VPS54: variants seen among roughly 807,000 people sequenced by gnomAD.
VPS54 encodes the protein vacuolar protein sorting-associated protein 54.
Under a neutral mutation model 121.5 loss-of-function variants are expected in VPS54, and 45 were observed. The ratio of observed to expected loss-of-function variants is 0.37; its 90% confidence interval spans 0.29 to 0.47. VPS54 has a LOEUF of 0.47. Ranked by LOEUF, VPS54 falls within the 20% of genes least tolerant of loss-of-function variation. VPS54 has a pLI of 0.99. For missense variants in VPS54, 1,090 were observed against 1,131.4 expected, an observed-to-expected ratio of 0.96 and a Z score of 0.52; for synonymous variants, 371 against 385.8, an observed-to-expected ratio of 0.96 and a Z score of 0.45.
chr2:63,922,756 T>C lies in VPS54; in HGVS notation c.1740-1421A>G, dbSNP rs550773026. ...ATTTCAAAACAGGATACCTGCAAAA[T>C]TCTTGCTTAAATTTCAAAGTCAACT... On this transcript the variant is annotated intron_variant, in intron 12 of 22. Coordinates refer to ENST00000272322, the MANE Select transcript of VPS54 (RefSeq NM_016516.3). 4.6e-5 allele frequency among the ~76,000 whole-genome samples: 7 copies of C among 152,340 alleles called. No individual in the cohort carries two copies. In the South Asian group the frequency reaches 1.5e-3, roughly 32 times the overall value.
chr2:63,900,220 CAAAAA>C (rs70965149), intron 20 of VPS54, among the ~76,000 whole-genome samples: 4 of 63,388 alleles, frequency 6.3e-5, no homozygotes, highest in Admixed American at 4.6e-4. Flanking sequence ...AACTCTGTCT[CAAAAA>C]AAAAAAAAAA....
At chr2:63,998,925 TTTTC>T (rs1291511016) in intron 1 of VPS54, among the ~76,000 whole-genome samples, 1 of 152,248 alleles carries the variant, frequency 6.6e-6, no homozygotes, top group East Asian at 1.9e-4. Context: ...TTATTAATCT[TTTTC>T]TTTTTTATTG....
intron 5 of VPS54, 38 bp downstream of exon 5, chr2:63,968,919 T>C (rs1413884858): frequency 6.4e-7 from 1 of 1,553,214 alleles, no homozygotes; most frequent in Non-Finnish European, 8.7e-7. Flanking sequence ...AAAGATCAAA[T>C]ATTATAAGGC....
chr2:63,994,794 T>A (rs1677501269), intron 1 of VPS54, among the ~76,000 whole-genome samples: 1 of 152,186 alleles, frequency 6.6e-6, no homozygotes, highest in African/African-American at 2.4e-5. Context: ...AACCTTAATT[T>A]GGGAAGATTG....
intron 20 of VPS54, among the ~76,000 whole-genome samples, chr2:63,910,233 T>C (rs553765121): frequency 2.6e-5 from 4 of 152,316 alleles, no homozygotes; most frequent in East Asian, 1.9e-4. Flanking sequence ...AAAGAGAGAC[T>C]TGTTAACACA....
intron 11 of VPS54, among the ~76,000 whole-genome samples, chr2:63,939,196 AC>A (rs1674602094): frequency 6.6e-6 from 1 of 152,068 alleles, no homozygotes; most frequent in African/African-American, 2.4e-5. Flanking sequence ...ACATGGTGAA[AC>A]CCCATCTGTA....
At chr2:63,977,725 G>A (rs958339976) in intron 3 of VPS54, among the ~76,000 whole-genome samples, 3 of 152,172 alleles carry the variant, frequency 2.0e-5, no homozygotes, top group African/African-American at 7.2e-5. Context: ...TGATCTGTCT[G>A]TTTAAACAGT....
chr2:63,931,968 T>G (rs765834001), intron 12 of VPS54, among the ~76,000 whole-genome samples: 4 of 152,074 alleles, frequency 2.6e-5, no homozygotes, highest in Non-Finnish European at 4.4e-5. Context: ...ACCATCTCAC[T>G]CCAGTTAGAA....
At chr2:63,983,050 A>G (rs1676870443) in intron 2 of VPS54, among the ~76,000 whole-genome samples, 2 of 152,212 alleles carry the variant, frequency 1.3e-5, no homozygotes. Flanking sequence ...TTAACTAAGC[A>G]GCTTTCAATC....
chr2:63,988,694 T>G (rs1289122188), intron 1 of VPS54, among the ~76,000 whole-genome samples: 1 of 152,186 alleles, frequency 6.6e-6, no homozygotes, highest in Non-Finnish European at 1.5e-5. Context: ...TCCCATCATC[T>G]TCGTAAAATG....
intron 3 of VPS54, among the ~76,000 whole-genome samples, chr2:63,981,133 T>C (rs567282430): frequency 6.6e-6 from 1 of 152,148 alleles, no homozygotes; most frequent in Non-Finnish European, 1.5e-5. Context: ...AACAGCCACT[T>C]ACTAATAATC....
intron 7 of VPS54, among the ~76,000 whole-genome samples, chr2:63,958,523 G>A (rs1288490197): frequency 1.3e-5 from 2 of 152,058 alleles, no homozygotes; most frequent in East Asian, 1.9e-4. Flanking sequence ...GAACCAGTCT[G>A]GGCAACACAG....
chr2:63,998,470 TA>T (rs1197997857), intron 1 of VPS54, among the ~76,000 whole-genome samples: 3 of 152,196 alleles, frequency 2.0e-5, no homozygotes, highest in African/African-American at 7.2e-5. Context: ...GGTTGTTTCG[TA>T]GTCTTCTCTT....
At chr2:63,991,848 A>G (rs1677335581) in intron 1 of VPS54, among the ~76,000 whole-genome samples, 2 of 152,148 alleles carry the variant, frequency 1.3e-5, no homozygotes, top group South Asian at 4.1e-4. Context: ...GTCAACCCAG[A>G]TGGGTCCCAG....
intron 7 of VPS54, among the ~76,000 whole-genome samples, chr2:63,949,912 A>G (rs1273759515): frequency 5.3e-5 from 8 of 152,184 alleles, no homozygotes; most frequent in African/African-American, 1.7e-4. Flanking sequence ...GGAAGTCTTG[A>G]ATAATGGGAA....
chr2:64,017,268 C>T (rs1184254545), intron 1 of VPS54, among the ~76,000 whole-genome samples: 1 of 148,784 alleles, frequency 6.7e-6, no homozygotes, highest in Admixed American at 6.8e-5. Flanking sequence ...AGCCGGTAGG[C>T]GGAGGTTGCG....
intron 17 of VPS54, among the ~76,000 whole-genome samples, chr2:63,913,614 A>G (rs1673249310): frequency 6.6e-6 from 1 of 152,186 alleles, no homozygotes; most frequent in South Asian, 2.1e-4. Context: ...GGGAAGTCCT[A>G]TTTTCAAAAG....
intron 5 of VPS54, among the ~76,000 whole-genome samples, chr2:63,966,359 T>G (rs971248856): frequency 6.6e-6 from 1 of 152,230 alleles, no homozygotes; most frequent in African/African-American, 2.4e-5. Context: ...TATTTCTATT[T>G]TCTCCTGCTC....
intron 12 of VPS54, among the ~76,000 whole-genome samples, chr2:63,929,572 T>G (rs1464406135): frequency 6.6e-6 from 1 of 151,864 alleles, no homozygotes; most frequent in East Asian, 1.9e-4. Context: ...AGGAGAGATC[T>G]AAAATCAACA....
Sources: gnomAD v4.1 joint callset for allele counts (sites outside exome capture counted in the v4.1 genomes callset) on GRCh38, gnomAD v4.1.1 for gene constraint, MANE v1.5 for transcripts, NCBI Gene and HGNC (gene_info 2026-07-23, HGNC 2026-07-21) for gene names.